Variants in RORA observed in about 807,000 individuals in gnomAD.
RORA encodes the protein RAR related orphan receptor A.
In RORA, 7 loss-of-function variants were observed where a neutral mutation model predicts 69.5. That is an observed-to-expected ratio of 0.10 (90% CI 0.06 to 0.19). The LOEUF (loss-of-function observed/expected upper bound fraction) is 0.19. Among genes scored for constraint, RORA ranks in the 10% least tolerant of loss-of-function variants. RORA has a pLI of 1.00. For missense variants in RORA, 457 were observed against 663.0 expected, an observed-to-expected ratio of 0.69 and a Z score of 3.41; for synonymous variants, 261 against 240.8, an observed-to-expected ratio of 1.08 and a Z score of -0.78.
At chr15:61,211,512 AC>A (rs1217609582) in intron 1 of RORA, among the ~76,000 whole-genome samples, 1 of 152,216 alleles carries the variant, frequency 6.6e-6, no homozygotes, top group African/African-American at 2.4e-5. Context: ...ACCATAAAAA[AC>A]AGGCTTTCCT....
intron 1 of RORA, among the ~76,000 whole-genome samples, chr15:61,148,553 T>C (rs2079371120): frequency 6.6e-6 from 1 of 152,074 alleles, no homozygotes; most frequent in Non-Finnish European, 1.5e-5. Context: ...CAAGTAGCAA[T>C]AAAATACCTA....
chr15:60,497,209 G>C lies in RORA; in HGVS notation c.*246C>G. On this transcript the variant is annotated 3_prime_UTR_variant, in exon 11 of 11. Transcript: ENST00000335670. Reference sequence around the variant, plus strand: ...GTTGTAAACAGAGGTCAATGATCAAGAAGTCAAGACAGAAAAAGGGTCCAT... The same window carrying C: ...GTTGTAAACAGAGGTCAATGATCAACAAGTCAAGACAGAAAAAGGGTCCAT... 2.6e-6 allele frequency: 1 copy of C among 381,538 alleles called. No homozygotes were observed. The highest frequency in any genetic ancestry group is 4.1e-5 in the Admixed American group (1 of 24,116). The allele number at this position is 381,538 out of a possible 1,614,324, so 23.6% of individuals were successfully genotyped here.
intron 1 of RORA, among the ~76,000 whole-genome samples, chr15:61,094,517 A>T (rs1172263728): frequency 6.6e-6 from 1 of 152,192 alleles, no homozygotes; most frequent in Non-Finnish European, 1.5e-5. Flanking sequence ...AGAACACACC[A>T]TGGGAAAGAG....
chr15:60,949,305 T>C (rs1002555272), intron 1 of RORA, among the ~76,000 whole-genome samples: 37 of 152,150 alleles, frequency 2.4e-4, no homozygotes, highest in African/African-American at 8.7e-4. Flanking sequence ...CCAGGCCAAA[T>C]CTTGCTTGGC....
chr15:60,521,672 T>C (rs1000705706), intron 3 of RORA, among the ~76,000 whole-genome samples: 1 of 152,246 alleles, frequency 6.6e-6, no homozygotes, highest in African/African-American at 2.4e-5. Flanking sequence ...GAATGTTAAA[T>C]GACTTGTCCA....
rs2065379256 is a variant in RORA at position 60,503,005 on chromosome 15, C to A, written c.1076-138G>T. On this transcript the variant is annotated intron_variant, in intron 7 of 10. Coordinates refer to ENST00000335670, the MANE Select transcript of RORA (RefSeq NM_134261.3). The stretch of plus-strand genomic sequence containing the variant: ...GCAGTTTAGCTAGCGGGTTCTCAGT[C>A]ACATCAGCTGTCTATCCAAAAGGGC... The A allele has an allele frequency of 1.1e-5, 8 of 740,084 alleles. No individual in the cohort carries two copies. In the South Asian group the frequency reaches 1.2e-4, roughly 11 times the overall value. 45.8% of individuals were successfully genotyped at this position (740,084 alleles called of 1,614,324 possible).
intron 2 of RORA, among the ~76,000 whole-genome samples, chr15:60,543,133 A>G (rs2066950009): frequency 1.4e-5 from 2 of 144,658 alleles, no homozygotes; most frequent in Admixed American, 6.8e-5. Context: ...TTGTTACGTT[A>G]GCTTCACTGC....
intron 1 of RORA, among the ~76,000 whole-genome samples, chr15:60,954,439 T>TAAA (rs34360652): frequency 1.5e-5 from 2 of 135,444 alleles, no homozygotes; most frequent in Non-Finnish European, 3.2e-5. Flanking sequence ...ACTTAAAGTA[T>TAAA]AAAAAAAAAA....
At chr15:60,885,301 A>T (rs2073738778) in intron 1 of RORA, among the ~76,000 whole-genome samples, 2 of 152,244 alleles carry the variant, frequency 1.3e-5, no homozygotes, top group Admixed American at 1.3e-4. Flanking sequence ...ATGTAGAGAT[A>T]ACCTCAGAAA....
intron 1 of RORA, among the ~76,000 whole-genome samples, chr15:61,032,224 T>C (rs1359820272): frequency 6.6e-6 from 1 of 152,218 alleles, no homozygotes; most frequent in African/African-American, 2.4e-5. Context: ...TTACCAGTTG[T>C]GGTTACCATT....
chr15:60,795,892 G>A (rs1381043244), intron 1 of RORA, among the ~76,000 whole-genome samples: 3 of 152,218 alleles, frequency 2.0e-5, no homozygotes, highest in East Asian at 3.9e-4. Context: ...TACCCAAAAG[G>A]CCTCATGCCT....
At chr15:60,719,037 G>A (rs560461738) in intron 1 of RORA, among the ~76,000 whole-genome samples, 106 of 150,158 alleles carry the variant, frequency 7.1e-4, no homozygotes, top group Middle Eastern at 6.9e-3. Context: ...GTGTGTGTGT[G>A]GGGGGGGTGT....
chr15:61,033,169 G>T (rs1405234057), intron 1 of RORA, among the ~76,000 whole-genome samples: 2 of 152,074 alleles, frequency 1.3e-5, no homozygotes, highest in East Asian at 3.9e-4. Flanking sequence ...ACTGAGCTTG[G>T]AACAAATTTA....
intron 1 of RORA, among the ~76,000 whole-genome samples, chr15:60,890,854 A>G (rs1217179822): frequency 1.3e-5 from 2 of 152,236 alleles, no homozygotes; most frequent in Non-Finnish European, 1.5e-5. Flanking sequence ...TCACAAAACC[A>G]TACCAAGTTG....
intron 1 of RORA, among the ~76,000 whole-genome samples, chr15:60,829,843 CAGAAGACAATTAACATACTGTCTT>C (rs2073017959): frequency 6.6e-6 from 1 of 152,148 alleles, no homozygotes; most frequent in East Asian, 1.9e-4. Context: ...TTCACAACAC[CAGAAGACAATTAACATACTGTCTT>C]AGCAGTAGTT....
At chr15:60,745,806 G>A (rs2071639337) in intron 1 of RORA, among the ~76,000 whole-genome samples, 1 of 152,152 alleles carries the variant, frequency 6.6e-6, no homozygotes, top group African/African-American at 2.4e-5. Context: ...GACAGAGGCA[G>A]CCAAAAACTG....
At chr15:60,809,620 C>T (rs2072712742) in intron 1 of RORA, among the ~76,000 whole-genome samples, 1 of 152,112 alleles carries the variant, frequency 6.6e-6, no homozygotes, top group Admixed American at 6.6e-5. Context: ...AACTCCCACC[C>T]CCACCACACA....
chr15:60,591,120 C>T (rs2068489673), intron 2 of RORA, among the ~76,000 whole-genome samples: 1 of 152,220 alleles, frequency 6.6e-6, no homozygotes, highest in Non-Finnish European at 1.5e-5. Flanking sequence ...GCGCTTGGCA[C>T]CCGCACCGGT....
At chr15:61,179,055 C>G (rs1173962445) in intron 1 of RORA, among the ~76,000 whole-genome samples, 1 of 152,182 alleles carries the variant, frequency 6.6e-6, no homozygotes, top group Non-Finnish European at 1.5e-5. Flanking sequence ...TGCGTGATCT[C>G]CTCTGCCGGG....
Sources: gnomAD v4.1 joint callset for allele counts (sites outside exome capture counted in the v4.1 genomes callset) on GRCh38, gnomAD v4.1.1 for gene constraint, MANE v1.5 for transcripts, NCBI Gene and HGNC (gene_info 2026-07-23, HGNC 2026-07-21) for gene names.